The following PRR16 variants were observed in gnomAD, a reference collection of about 807,000 sequenced individuals.
PRR16 encodes the protein proline rich 16, also known as protein Largen.
Under a neutral mutation model 18.2 loss-of-function variants are expected in PRR16, and 6 were observed. The ratio of observed to expected loss-of-function variants is 0.33; its 90% confidence interval spans 0.18 to 0.65. PRR16 has a LOEUF of 0.65. Ranked by LOEUF, PRR16 falls within the 30% of genes least tolerant of loss-of-function variation. The pLI is 0.74. For missense variants in PRR16, 412 were observed against 376.6 expected, an observed-to-expected ratio of 1.09 and a Z score of -0.78; for synonymous variants, 151 against 147.8, an observed-to-expected ratio of 1.02 and a Z score of -0.16.
chr5:120,696,200 C>A, the PRR16 span, among the ~76,000 whole-genome samples: 3 of 152,066 alleles, frequency 2.0e-5, no homozygotes, highest in Non-Finnish European at 4.4e-5. Flanking sequence ...TGAGATCGTG[C>A]CACTGCACTC....
At chr5:120,602,226 T>A (rs1011099718) in intron 1 of PRR16, among the ~76,000 whole-genome samples, 7 of 151,926 alleles carry the variant, frequency 4.6e-5, no homozygotes, top group African/African-American at 1.4e-4. Flanking sequence ...TTGTTTGTTA[T>A]CTCTGATTCT....
intron 1 of PRR16, among the ~76,000 whole-genome samples, chr5:120,551,652 T>G (rs1018182588): frequency 6.6e-6 from 1 of 152,046 alleles, no homozygotes; most frequent in African/African-American, 2.4e-5. Context: ...ATGATTGTTT[T>G]GATCAGTGGT....
chr5:120,667,494 T>C (rs1387699192), intron 1 of PRR16, among the ~76,000 whole-genome samples: 4 of 151,816 alleles, frequency 2.6e-5, no homozygotes, highest in East Asian at 1.9e-4. Context: ...TGCCTTCTGC[T>C]AGCTTTTGAA....
At chr5:120,787,137 A>G in the PRR16 span, among the ~76,000 whole-genome samples, 1 of 152,110 alleles carries the variant, frequency 6.6e-6, no homozygotes, top group African/African-American at 2.4e-5. Context: ...TATTATTTCA[A>G]TGTGGAGTAG....
intron 1 of PRR16, among the ~76,000 whole-genome samples, chr5:120,590,257 T>C (rs1166941485): frequency 2.6e-5 from 4 of 152,160 alleles, no homozygotes; most frequent in Admixed American, 2.6e-4. Context: ...TTCATTCATC[T>C]CTTTCTTCTG....
At chr5:120,541,249 G>A (rs1213351597) in intron 1 of PRR16, among the ~76,000 whole-genome samples, 1 of 152,128 alleles carries the variant, frequency 6.6e-6, no homozygotes, top group Admixed American at 6.5e-5. Context: ...AGGTTCAAGT[G>A]ATTCTCCTGC....
chr5:120,558,874 T>G (rs1752493945), intron 1 of PRR16, among the ~76,000 whole-genome samples: 1 of 152,056 alleles, frequency 6.6e-6, no homozygotes. Context: ...TAATTTTGAT[T>G]TGCATTTCTC....
At chr5:120,757,382 G>A in the PRR16 span, among the ~76,000 whole-genome samples, 4 of 151,864 alleles carry the variant, frequency 2.6e-5, no homozygotes, top group Non-Finnish European at 4.4e-5. Context: ...CAGTAATCGC[G>A]TTGACTCTGT....
intron 1 of PRR16, among the ~76,000 whole-genome samples, chr5:120,605,211 A>G (rs1182004932): frequency 6.6e-6 from 1 of 152,200 alleles, no homozygotes; most frequent in Non-Finnish European, 1.5e-5. Flanking sequence ...GTCTCTTCAG[A>G]TAATCCTGTA....
chr5:120,787,993 A>T, the PRR16 span, among the ~76,000 whole-genome samples: 4 of 151,840 alleles, frequency 2.6e-5, no homozygotes, highest in Non-Finnish European at 5.9e-5. Context: ...GCCTTTGATC[A>T]TGCTTCTCCC....
chr5:120,755,227 AAAT>A, the PRR16 span, among the ~76,000 whole-genome samples: 4 of 151,918 alleles, frequency 2.6e-5, no homozygotes, highest in African/African-American at 7.2e-5. Flanking sequence ...AAAAAATAAA[AAAT>A]AATAATTTCA....
chr5:120,708,235 A>G, the PRR16 span, among the ~76,000 whole-genome samples: 1 of 152,216 alleles, frequency 6.6e-6, no homozygotes, highest in East Asian at 1.9e-4. Context: ...ACTATAAAGT[A>G]GTCAGTGTTG....
intron 1 of PRR16, among the ~76,000 whole-genome samples, chr5:120,682,012 A>G (rs1397529620): frequency 6.6e-6 from 1 of 152,202 alleles, no homozygotes; most frequent in Non-Finnish European, 1.5e-5. Flanking sequence ...TTTGAATACT[A>G]CATCTCTCAC....
At chr5:120,466,870 A>G (rs1749122197) in intron 1 of PRR16, among the ~76,000 whole-genome samples, 1 of 152,222 alleles carries the variant, frequency 6.6e-6, no homozygotes, top group African/African-American at 2.4e-5. Context: ...AATTTATGAC[A>G]TAAATAATGT....
chr5:120,584,743 A>C (rs761709347), intron 1 of PRR16, among the ~76,000 whole-genome samples: 1 of 152,160 alleles, frequency 6.6e-6, no homozygotes, highest in Non-Finnish European at 1.5e-5. Context: ...TCTAACTTCA[A>C]ATGTCATGTT....
rs1757103182 is a variant in PRR16, at chr5:120,685,935, A to G, written c.160-19A>G. 1.2e-6 allele frequency: 2 copies of G among 1,601,538 alleles called. No homozygotes were observed. The highest frequency in any genetic ancestry group is 1.1e-5 in the South Asian group (1 of 89,464). On this transcript the variant is annotated intron_variant, in intron 1 of 1. Transcript: ENST00000407149. ...GTTTGGGTCATTCTTCAAAACAATTACCTTGTCCTTTCCACTAGGTGGTTG... is the reference window on the plus strand; with the variant it reads ...GTTTGGGTCATTCTTCAAAACAATTGCCTTGTCCTTTCCACTAGGTGGTTG...
rs533446407 is a variant in PRR16, at chr5:120,616,534, G to C, written c.160-69420G>C. On this transcript the variant is annotated intron_variant, in intron 1 of 1. Coordinates refer to ENST00000407149, the MANE Select transcript of PRR16 (RefSeq NM_001300783.2). Reference sequence around the variant, plus strand: ...ATTCACATTTTGTTCAGCAAGCTTAGGTTTCCTGATGCAAGGTATCCCTTT... The same window carrying C: ...ATTCACATTTTGTTCAGCAAGCTTACGTTTCCTGATGCAAGGTATCCCTTT... Among the ~76,000 whole-genome samples, 61 of 152,264 alleles carry C rather than the reference G, an allele frequency of 4.0e-4. 1 individual carries two copies. The highest frequency in any genetic ancestry group is 1.3e-3 in the African/African-American group (56 of 41,554).
chr5:120,753,431 G>C, the PRR16 span, among the ~76,000 whole-genome samples: 5 of 151,954 alleles, frequency 3.3e-5, no homozygotes, highest in Admixed American at 3.3e-4. Flanking sequence ...CCCATTTGTT[G>C]AGACAAGTCA....
intron 1 of PRR16, among the ~76,000 whole-genome samples, chr5:120,607,087 A>G (rs939138348): frequency 3.3e-5 from 5 of 152,190 alleles, no homozygotes; most frequent in Admixed American, 6.5e-5. Context: ...TTTAAGTATC[A>G]GTGAATTTTT....
Sources: gnomAD v4.1 joint callset for allele counts (sites outside exome capture counted in the v4.1 genomes callset) on GRCh38, gnomAD v4.1.1 for gene constraint, MANE v1.5 for transcripts, NCBI Gene and HGNC (gene_info 2026-07-23, HGNC 2026-07-21) for gene names.